Variants in SIDT2 observed in about 807,000 individuals in gnomAD.
SIDT2 encodes SID1 transmembrane family member 2, also known as SID1 transmembrane family, member 2.
A neutral mutation model predicts 114.4 loss-of-function variants in SIDT2; 68 were observed. That is an observed-to-expected ratio of 0.59 (90% CI 0.49 to 0.73). The LOEUF (loss-of-function observed/expected upper bound fraction) is 0.73, where lower values mean the gene tolerates loss of function less well. Ranked by LOEUF, SIDT2 falls within the 30% of genes least tolerant of loss-of-function variation. The probability of loss-of-function intolerance (pLI) is 0.00; values close to 1 mark genes in which losing one functional copy is unlikely to be tolerated. For synonymous variants in SIDT2, 470 were observed against 438.4 expected (o/e 1.07, Z -0.90); for missense variants, 918 against 1,097.1 (o/e 0.84, Z 2.31).
intron 8 of SIDT2, among the ~76,000 whole-genome samples, chr11:117,185,627 C>A (rs1048725206): frequency 1.3e-5 from 2 of 152,028 alleles, no homozygotes; most frequent in Non-Finnish European, 2.9e-5. Context: ...CCTATAATCC[C>A]AGAACTTTGG....
chr11:117,182,735 G>T lies in SIDT2; in HGVS notation c.631G>T (p.Asp211Tyr). The T allele has an allele frequency of 6.2e-7, 1 of 1,614,178 alleles. No individual in the cohort carries two copies. Reference sequence around the variant, plus strand: ...CGCCCCTCTGCAGTGTCCTGTCTATGACCTGGACAACAACGTAGCCTTCAT... The same window carrying T: ...CGCCCCTCTGCAGTGTCCTGTCTATTACCTGGACAACAACGTAGCCTTCAT... ...SIQDVLCPVY[D>Y]LDNNVAFIGM... Residue 211 changes from aspartate (D) to tyrosine (Y), a missense_variant, in exon 6 of 26, where the codon GAC (aspartate) becomes TAC (tyrosine). This residue lies in a region of SIDT2 where 553 missense variants were observed against 600.1 expected (regional missense o/e 0.92). Coordinates refer to ENST00000324225, the MANE Select transcript of SIDT2 (RefSeq NM_001040455.2).
intron 23 of SIDT2, 66 bp from the exon 24 acceptor site, chr11:117,193,787 G>A (rs2030788926): frequency 1.7e-6 from 2 of 1,184,182 alleles, no homozygotes; most frequent in Admixed American, 1.7e-5. Flanking sequence ...GGGAAAGGCT[G>A]GGTGGGACAG....
intron 15 of SIDT2, 84 bp downstream of exon 15, chr11:117,189,485 G>A (rs558277940): frequency 2.8e-6 from 4 of 1,440,442 alleles, no homozygotes; most frequent in East Asian, 2.4e-5. Context: ...GGGCCCTGGT[G>A]TTCCATCACA....
At chr11:117,181,576 A>T in intron 2 of SIDT2, 39 bp downstream of exon 2, 1 of 1,612,404 alleles carries the variant, frequency 6.2e-7, no homozygotes, top group Non-Finnish European at 8.5e-7. Flanking sequence ...GGGGCAGCCT[A>T]GGCCAGTCCT....
chr11:117,179,557 T>C, intron 1 of SIDT2, 111 bp downstream of exon 1: 2 of 1,166,472 alleles, frequency 1.7e-6, no homozygotes, highest in Non-Finnish European at 2.4e-6. Flanking sequence ...GCTGTCCTGC[T>C]AGGTTCCCAG....
At position 117,188,471 on chromosome 11, in the gene SIDT2, G is replaced by A; in HGVS notation, c.1160-237G>A. ...TGAGGGGTGCCAGGAACAGAGCAAA[G>A]CTAGAGCGGCCCCTGTGTGGTGGCC... On this transcript the variant is annotated intron_variant, in intron 12 of 25. Coordinates refer to ENST00000324225, the MANE Select transcript of SIDT2 (RefSeq NM_001040455.2). This position sits in a 1 kb window ranked among gnomAD's most constrained non-coding sequence, Gnocchi z 4.0. 2 of 558,346 alleles carry A rather than the reference G, an allele frequency of 3.6e-6. No individual in the cohort carries two copies. The highest frequency in any genetic ancestry group is 6.4e-6 in the Non-Finnish European group (2 of 310,308). 34.6% of individuals were successfully genotyped at this position (558,346 alleles called of 1,614,324 possible). A position where few individuals can be genotyped will look rare whatever the true frequency, so the allele number is the denominator to read the frequency against.
rs532090240 is a variant in SIDT2, at chr11:117,186,322, C to T, written c.962+99C>T. On this transcript the variant is annotated intron_variant, in intron 9 of 25. Transcript: ENST00000324225. ...ATCTGAGCCAGCCTAGGGTAATCTA[C>T]ACCATCCATAGCAGATGATGGTGGG... 8 of 1,091,746 alleles carry T rather than the reference C, an allele frequency of 7.3e-6. No homozygotes were observed. In the East Asian group the frequency reaches 1.2e-4, roughly 16 times the overall value. The allele number at this position is 1,091,746 out of a possible 1,614,324, so 67.6% of individuals were successfully genotyped here.
At position 117,195,922 on chromosome 11, in the gene SIDT2, G is replaced by C. The variant is rs779820035; in HGVS notation, c.2436+7G>C. 6.2e-7 allele frequency: 1 copy of C among 1,614,178 alleles called. No individual in the cohort carries two copies. Among genetic ancestry groups the C allele is most frequent in the Non-Finnish European group, 8.5e-7 (1 of 1,180,028 alleles). On this transcript the variant is annotated splice_region_variant and intron_variant, in intron 25 of 25. Coordinates refer to ENST00000324225, the MANE Select transcript of SIDT2 (RefSeq NM_001040455.2). Reference sequence around the variant, plus strand: ...CATGTTCGGGTCCTTCCTGGTAAGCGGGCCTCCCGGCCGAGCCGGGTGGGT... The same window carrying C: ...CATGTTCGGGTCCTTCCTGGTAAGCCGGCCTCCCGGCCGAGCCGGGTGGGT...
At chr11:117,186,940 C>T (rs1400975871) in intron 10 of SIDT2, 2 of 1,484,346 alleles carry the variant, frequency 1.3e-6, no homozygotes, top group Non-Finnish European at 1.8e-6. Flanking sequence ...CTCTCTTCCA[C>T]CCCTCCCTCT....
chr11:117,179,596 C>G lies in SIDT2; in HGVS notation c.183+150C>G, dbSNP rs531609371. On this transcript the variant is annotated intron_variant, in intron 1 of 25. Transcript: ENST00000324225. ...CCAGAACCACACTGGAGCCTCTTGA[C>G]CAGTCCTCCTTCCTTTGCCACCAAT... 1.2e-5 allele frequency: 9 copies of G among 723,620 alleles called. No individual in the cohort carries two copies. The Admixed American group carries it at 1.3e-4, about 10-fold the overall frequency. 44.8% of individuals were successfully genotyped at this position (723,620 alleles called of 1,614,324 possible).
At chr11:117,179,624 TTC>T in intron 1 of SIDT2, 178 bp downstream of exon 1, 1 of 605,256 alleles carries the variant, frequency 1.7e-6, no homozygotes, top group Middle Eastern at 4.4e-4. Context: ...CCACCAATGT[TTC>T]TCTGAAGCTC....
In SIDT2 at chr11:117,188,098, A is replaced by G; in HGVS notation, c.1159+399A>G. ...ATTGCCCGCTCTTGTGTCTTCTGAG[A>G]TAGCAGCAGAGCACAGGCTCCTTTG... On this transcript the variant is annotated intron_variant, in intron 12 of 25. Coordinates refer to ENST00000324225, the MANE Select transcript of SIDT2 (RefSeq NM_001040455.2). This position sits in a 1 kb window ranked among gnomAD's most constrained non-coding sequence, Gnocchi z 4.0. The G allele has an allele frequency of 2.4e-6, 1 of 420,562 alleles. No homozygotes were observed. Among genetic ancestry groups the G allele is most frequent in the South Asian group, 1.8e-5 (1 of 54,570 alleles). 26.1% of individuals were successfully genotyped at this position (420,562 alleles called of 1,614,324 possible).
chr11:117,192,984 A>G lies in SIDT2; in HGVS notation c.2105+118A>G, dbSNP rs1051385988. On this transcript the variant is annotated intron_variant, in intron 22 of 25. Transcript: ENST00000324225. The surrounding 1 kb of genome is among the most constrained non-coding windows in gnomAD (Gnocchi z 5.9). ...ATGTTGGGCATAAGACATGGGGGCT[A>G]AGAGAGATCTTGGCCTCTCTTCTCT... 1.4e-6 allele frequency: 2 copies of G among 1,425,584 alleles called. No homozygotes were observed. Among genetic ancestry groups the G allele is most frequent in the Non-Finnish European group, 2.0e-6 (2 of 1,008,904 alleles). 88.3% of individuals were successfully genotyped at this position (1,425,584 alleles called of 1,614,324 possible).
chr11:117,188,761 G>C lies in SIDT2; in HGVS notation c.1213G>C (p.Val405Leu). The change falls in exon 13 of 26, where the codon GTG becomes CTG. Residue 405 changes from valine to leucine, a missense_variant. Around this residue, in one of 4 missense-constraint regions of SIDT2, gnomAD observed 553 missense variants for 600.1 expected, o/e 0.92. Coordinates refer to ENST00000324225, the MANE Select transcript of SIDT2 (RefSeq NM_001040455.2). This position sits in a 1 kb window ranked among gnomAD's most constrained non-coding sequence, Gnocchi z 4.0. ...GCCCCGAGTGGACTCCATGAGCTCT[G>C]TGGAGGAGGATGACTACGACACATT... ...TRPRVDSMSS[V>L]EEDDYDTLTD... is the part of the protein sequence containing the mutation. 6.2e-7 allele frequency: 1 copy of C among 1,614,182 alleles called. No individual in the cohort carries two copies. The highest frequency in any genetic ancestry group is 8.5e-7 in the Non-Finnish European group (1 of 1,180,034).
rs753300776 is a variant in SIDT2, at chr11:117,181,485, C to T, written c.253C>T (p.Arg85Cys). The change falls in exon 2 of 26, where the codon CGC becomes TGC. Residue 85 changes from arginine (R) to cysteine (C), a missense_variant. By Grantham distance (180) the Arg-to-Cys change is radical. Coordinates refer to ENST00000324225, the MANE Select transcript of SIDT2 (RefSeq NM_001040455.2). ...QKGAPLLFVV[R>C]QKEAVVSFQV... ...GGGGGCGCCGTTGCTGTTTGTGGTC[C>T]GCCAGAAGGAGGCTGTGGTGTCCTT... is the stretch of plus-strand genomic sequence containing the variant. 2.5e-5 allele frequency: 41 copies of T among 1,613,602 alleles called. No individual in the cohort carries two copies. The highest frequency in any genetic ancestry group is 2.8e-5 in the Non-Finnish European group (33 of 1,179,952).
Position 117,190,644 on chromosome 11 carries a change from T to C in SIDT2, c.1639T>C (p.Phe547Leu). 1 of 1,595,622 alleles carries C rather than the reference T, an allele frequency of 6.3e-7. No individual in the cohort carries two copies. ...CALECGIPKH[F>L]GLFYAMGTAL... ...ACAGGAATGTGGGATCCCCAAACAC[T>C]TTGGGCTTTTCTACGCCATGGGCAC... Residue 547 changes from phenylalanine to leucine, a missense_variant, in exon 18 of 26, where the codon TTT (phenylalanine) becomes CTT (leucine). Physicochemically the swap from Phe to Leu is conservative, Grantham distance 22. Transcript: ENST00000324225. The surrounding 1 kb of genome is among the most constrained non-coding windows in gnomAD (Gnocchi z 4.1).
intron 15 of SIDT2, 128 bp downstream of exon 15, chr11:117,189,529 A>G: frequency 9.9e-7 from 1 of 1,009,816 alleles, no homozygotes; most frequent in Non-Finnish European, 1.5e-6. Flanking sequence ...CTGCCTTCCC[A>G]GCCGAGTGAC....
rs139011101 is a variant in SIDT2, at chr11:117,182,036, TG to T, written c.471-19del. 1,977 of 1,613,982 alleles carry T rather than the reference TG, an allele frequency of 1.2e-3. 14 individuals carry two copies. In the African/African-American group the frequency reaches 0.022, roughly 18 times the overall value. ...TTCCCCAGGCTCCGGGGGTGACTGG[TG>T]GGGGCTCTTCTCTGCCCTGCAGGAC... On this transcript the variant is annotated intron_variant, in intron 3 of 25. Transcript: ENST00000324225.
At position 117,192,539 on chromosome 11, in the gene SIDT2, C is replaced by T. The variant is rs371224908; in HGVS notation, c.1982-35C>T. 3 of 1,603,094 alleles carry T rather than the reference C, an allele frequency of 1.9e-6. No homozygotes were observed. The highest frequency in any genetic ancestry group is 2.2e-5 in the East Asian group (1 of 44,858). On this transcript the variant is annotated intron_variant, in intron 20 of 25. Coordinates refer to ENST00000324225, the MANE Select transcript of SIDT2 (RefSeq NM_001040455.2). The surrounding 1 kb of genome is among the most constrained non-coding windows in gnomAD (Gnocchi z 5.9). ...CAGGGGTCCAGCAAAGGAGGGTGCC[C>T]CGTGCCTGTCAGCACCACTCCCTTC... is the stretch of plus-strand genomic sequence containing the variant.
Sources: allele counts gnomAD v4.1 joint callset (sites outside exome capture counted in the v4.1 genomes callset), GRCh38; gene constraint gnomAD v4.1.1; regional missense constraint gnomAD v4.1.1; non-coding constraint Gnocchi (gnomAD v3.1); transcripts MANE v1.5; gene names NCBI Gene and HGNC (gene_info 2026-07-23, HGNC 2026-07-21).